Variants in APBB2 observed in about 807,000 individuals in gnomAD.
APBB2 encodes the protein Fe65-like 1.
In APBB2, 38 loss-of-function variants were observed where a neutral mutation model predicts 82.5. That is an observed-to-expected ratio of 0.46 (90% CI 0.36 to 0.60). APBB2 has a LOEUF of 0.60. Among genes scored for constraint, APBB2 ranks in the 20% least tolerant of loss-of-function variants. The probability of loss-of-function intolerance (pLI) is 0.00; values close to 1 mark genes in which losing one functional copy is unlikely to be tolerated. For missense variants in APBB2, 772 were observed against 972.3 expected, an observed-to-expected ratio of 0.79 and a Z score of 2.74; for synonymous variants, 341 against 368.2, an observed-to-expected ratio of 0.93 and a Z score of 0.85.
rs538867535 is a variant in APBB2 at position 40,853,201 on chromosome 4, C to T, written c.1530-22624G>A. Among the ~76,000 whole-genome samples the T allele has an allele frequency of 5.3e-5, 8 of 152,278 alleles. No homozygotes were observed. In the South Asian group the frequency reaches 1.7e-3, roughly 32 times the overall value. On this transcript the variant is annotated intron_variant, in intron 12 of 17. Coordinates refer to ENST00000508593, the MANE Select transcript of APBB2 (RefSeq NM_004307.2). ...TGCCATGTCACTGATCTCTCCTGGA[C>T]TAGGGCTAGCCAACTGGTCCCTCGT...
chr4:41,062,627 CCA>C (rs1730286450), intron 4 of APBB2, among the ~76,000 whole-genome samples: 1 of 152,140 alleles, frequency 6.6e-6, no homozygotes, highest in African/African-American at 2.4e-5. Context: ...AGGGTACGAA[CCA>C]CACTCTAGTT....
intron 1 of APBB2, among the ~76,000 whole-genome samples, chr4:41,157,204 G>C (rs1763699654): frequency 6.6e-6 from 1 of 152,128 alleles, no homozygotes; most frequent in Non-Finnish European, 1.5e-5. Flanking sequence ...CACACCTGCT[G>C]CATTTCCCCG....
intron 5 of APBB2, 90 bp downstream of exon 5, chr4:41,033,146 A>C: frequency 3.5e-6 from 3 of 859,794 alleles, no homozygotes; most frequent in Non-Finnish European, 5.6e-6. Context: ...TATTTTAGCA[A>C]ATCATAAGTT....
intron 15 of APBB2, among the ~76,000 whole-genome samples, chr4:40,825,602 C>T (rs990898138): frequency 3.0e-4 from 45 of 152,258 alleles, no homozygotes; most frequent in African/African-American, 9.2e-4. Context: ...AGCTCTTCCA[C>T]GGCCCTGAGT....
Position 40,903,161 on chromosome 4 carries a change from T to A in APBB2, c.1255-9750A>T, listed in dbSNP as rs79739691. ...GATACTCCATCTCTAAAAAAAACAGTAATAAAATTTAAAAATGGGCCAGGT... is the reference window on the plus strand; with the variant it reads ...GATACTCCATCTCTAAAAAAAACAGAAATAAAATTTAAAAATGGGCCAGGT... On this transcript the variant is annotated intron_variant, in intron 10 of 17. Coordinates refer to ENST00000508593, the MANE Select transcript of APBB2 (RefSeq NM_004307.2). Among the ~76,000 whole-genome samples the A allele has an allele frequency of 6.8e-4, 103 of 151,922 alleles. No individual in the cohort carries two copies. In the East Asian group the frequency reaches 0.017, roughly 25 times the overall value.
At chr4:41,031,224 C>CA (rs964388933) in intron 5 of APBB2, among the ~76,000 whole-genome samples, 5 of 150,886 alleles carry the variant, frequency 3.3e-5, no homozygotes, top group East Asian at 1.9e-4. Flanking sequence ...GACTCTGTCT[C>CA]AAAAAAAATT....
intron 7 of APBB2, among the ~76,000 whole-genome samples, chr4:40,943,220 C>T (rs1018232585): frequency 1.3e-5 from 2 of 152,352 alleles, no homozygotes; most frequent in South Asian, 2.1e-4. Flanking sequence ...GGCCTCTCTA[C>T]AACCTCAGTG....
At chr4:40,874,975 A>G (rs958410529) in intron 12 of APBB2, among the ~76,000 whole-genome samples, 1 of 152,228 alleles carries the variant, frequency 6.6e-6, no homozygotes, top group Non-Finnish European at 1.5e-5. Flanking sequence ...ATCAAAAAGC[A>G]GGGCACACAG....
rs750178135 is a variant in APBB2 at position 40,821,900 on chromosome 4, C to T, written c.2083G>A (p.Val695Met). Residue 695 changes from valine to methionine, a missense_variant, in exon 17 of 18, where the codon GTG becomes ATG. Val to Met is a conservative substitution (Grantham distance 21). Transcript: ENST00000508593. ...CAGGCGGCCTGCACCGCCTCAGACA[C>T]GTTACCAGCATTAGGCTCGCACCAG... ...VFWCEPNAGN[V>M]SEAVQAACML... The T allele has an allele frequency of 1.2e-5, 20 of 1,613,686 alleles. No individual in the cohort carries two copies. The highest frequency in any genetic ancestry group is 9.3e-5 in the African/African-American group (7 of 74,926).
At chr4:40,870,808 C>T in intron 12 of APBB2, among the ~76,000 whole-genome samples, 1 of 150,622 alleles carries the variant, frequency 6.6e-6, no homozygotes, top group East Asian at 1.9e-4. Flanking sequence ...TCCCGGCTCA[C>T]TGCAAACTCC....
chr4:40,825,851 C>T (rs1749734955), intron 15 of APBB2, 36 bp downstream of exon 15: 1 of 1,588,484 alleles, frequency 6.3e-7, no homozygotes. Context: ...CTCCCGCACA[C>T]TTGCAAAGTG....
intron 12 of APBB2, among the ~76,000 whole-genome samples, chr4:40,833,908 T>C (rs549748619): frequency 6.6e-6 from 1 of 152,234 alleles, no homozygotes; most frequent in African/African-American, 2.4e-5. Context: ...ATTATTCCTA[T>C]CGAACTTCGG....
At chr4:41,025,464 T>C (rs1713622722) in intron 5 of APBB2, among the ~76,000 whole-genome samples, 1 of 152,018 alleles carries the variant, frequency 6.6e-6, no homozygotes, top group African/African-American at 2.4e-5. Context: ...CTCAAAAAGT[T>C]AAAAGCAGAA....
At chr4:40,842,902 T>C (rs1405774783) in intron 12 of APBB2, among the ~76,000 whole-genome samples, 1 of 149,832 alleles carries the variant, frequency 6.7e-6, no homozygotes, top group Non-Finnish European at 1.5e-5. Flanking sequence ...CAAGGGCGGG[T>C]GGGAAGTGGG....
chr4:41,168,001 T>C (rs1255667148), intron 1 of APBB2, among the ~76,000 whole-genome samples: 1 of 152,202 alleles, frequency 6.6e-6, no homozygotes, highest in East Asian at 1.9e-4. Flanking sequence ...CTGGGCGTGG[T>C]GGCTCACGCC....
chr4:41,031,033 T>C (rs964404412), intron 5 of APBB2, among the ~76,000 whole-genome samples: 35 of 152,128 alleles, frequency 2.3e-4, no homozygotes, highest in African/African-American at 8.2e-4. Flanking sequence ...AAGACCAGCC[T>C]GGCCAACATG....
intron 12 of APBB2, among the ~76,000 whole-genome samples, chr4:40,889,706 A>G (rs975259926): frequency 6.6e-6 from 1 of 152,224 alleles, no homozygotes; most frequent in African/African-American, 2.4e-5. Flanking sequence ...ACACTTGAAA[A>G]TCGGAACTCG....
Position 41,159,955 on chromosome 4 carries a change from GAGAAGGAGAAGA to G in APBB2, c.-416-16825_-416-16814del, listed in dbSNP as rs1200470931. On this transcript the variant is annotated intron_variant, in intron 1 of 17. Transcript: ENST00000508593. ...GGAGGAGGAGGAGGAGAAGGAGAAG[GAGAAGGAGAAGA>G]AGAAGAAGAAGAAGAAGAAGAAGAA... is the stretch of plus-strand genomic sequence containing the variant. Among the ~76,000 whole-genome samples, 240 of 48,710 alleles carry G rather than the reference GAGAAGGAGAAGA, an allele frequency of 4.9e-3. 3 individuals are homozygous for G. The highest frequency in any genetic ancestry group is 0.012 in the South Asian group (14 of 1,164). The allele number at this position is 48,710 out of a possible 152,430, so 32.0% of individuals were successfully genotyped here. A position where few individuals can be genotyped will look rare whatever the true frequency, so the allele number is the denominator to read the frequency against.
Position 40,832,111 on chromosome 4 carries a change from C to T in APBB2, c.1530-1534G>A, listed in dbSNP as rs569473630. On this transcript the variant is annotated intron_variant, in intron 12 of 17. Transcript: ENST00000508593. This position sits in a 1 kb window ranked among gnomAD's most constrained non-coding sequence, Gnocchi z 4.8. The stretch of plus-strand genomic sequence containing the variant: ...CACAGTGATTTATTTGCATCTGATG[C>T]TAAGCCAGGATACTGTCTGGAGATA... 2.0e-5 allele frequency among the ~76,000 whole-genome samples: 3 copies of T among 151,390 alleles called. No individual in the cohort carries two copies. The highest frequency in any genetic ancestry group is 6.6e-5 in the Admixed American group (1 of 15,156).
Sources: allele counts gnomAD v4.1 joint callset (sites outside exome capture counted in the v4.1 genomes callset), GRCh38; gene constraint gnomAD v4.1.1; non-coding constraint Gnocchi (gnomAD v3.1); transcripts MANE v1.5; gene names NCBI Gene and HGNC (gene_info 2026-07-23, HGNC 2026-07-21).